CDH13: variants seen among roughly 807,000 people sequenced by gnomAD.
CDH13 encodes cadherin 13, also known as cadherin-13.
A neutral mutation model predicts 63.8 loss-of-function variants in CDH13; 24 were observed. That is an observed-to-expected ratio of 0.38 (90% CI 0.27 to 0.53). The LOEUF (loss-of-function observed/expected upper bound fraction) is 0.53, where lower values mean the gene tolerates loss of function less well. Ranked by LOEUF, CDH13 falls within the 20% of genes least tolerant of loss-of-function variation. The pLI is 0.85. For synonymous variants in CDH13, 503 were observed against 355.3 expected (o/e 1.42, Z -4.67); for missense variants, 1,049 against 903.1 (o/e 1.16, Z -2.07).
chr16:83,734,608 G>A (rs1911356352), intron 10 of CDH13, among the ~76,000 whole-genome samples: 1 of 151,752 alleles, frequency 6.6e-6, no homozygotes, highest in Admixed American at 6.6e-5. Context: ...GGGAGGGATA[G>A]CATTAGGAGA....
chr16:83,290,002 A>C (rs1014842696), intron 5 of CDH13, among the ~76,000 whole-genome samples: 7 of 152,114 alleles, frequency 4.6e-5, no homozygotes, highest in Non-Finnish European at 1.0e-4. Flanking sequence ...CCCAGAGGGA[A>C]CCACTCTTCT....
At chr16:82,642,771 G>A (rs751361170) in intron 1 of CDH13, among the ~76,000 whole-genome samples, 20 of 152,208 alleles carry the variant, frequency 1.3e-4, no homozygotes, top group Non-Finnish European at 2.6e-4. Context: ...CAGGCCTGGT[G>A]TGAGTGCTTC....
intron 1 of CDH13, among the ~76,000 whole-genome samples, chr16:82,810,134 G>T (rs941582096): frequency 6.6e-6 from 1 of 152,182 alleles, no homozygotes; most frequent in Non-Finnish European, 1.5e-5. Context: ...TCTGCTTCAA[G>T]GTAAGGACAT....
chr16:82,962,562 C>A lies in CDH13; in HGVS notation c.158-69448C>A, dbSNP rs528111425. On this transcript the variant is annotated intron_variant, in intron 2 of 13. Coordinates refer to ENST00000567109, the MANE Select transcript of CDH13 (RefSeq NM_001257.5). ...ATGAGAAGGGATAGGATGCATGCAACTCATAAGGCTGAAGACAGACGGGAG... is the reference window on the plus strand; with the variant it reads ...ATGAGAAGGGATAGGATGCATGCAAATCATAAGGCTGAAGACAGACGGGAG... Among the ~76,000 whole-genome samples, 40 of 152,224 alleles carry A rather than the reference C, an allele frequency of 2.6e-4. No homozygotes were observed. In the South Asian group the frequency reaches 4.6e-3, roughly 17 times the overall value.
intron 4 of CDH13, among the ~76,000 whole-genome samples, chr16:83,136,061 A>G (rs913615333): frequency 6.6e-6 from 1 of 152,110 alleles, no homozygotes; most frequent in Admixed American, 6.6e-5. Context: ...GACTGTAAAC[A>G]GGATGCCGTG....
intron 2 of CDH13, among the ~76,000 whole-genome samples, chr16:82,878,769 T>C (rs17674039): frequency 0.11 from 17,334 of 151,874 alleles, 1,065 homozygotes; most frequent in African/African-American, 0.12. Flanking sequence ...TGCCATCTTT[T>C]CCATTTCAAA....
rs1910467904 is a variant in CDH13 at position 83,627,992 on chromosome 16, T to G, written c.1101+25398T>G. 2.6e-5 allele frequency among the ~76,000 whole-genome samples: 4 copies of G among 152,198 alleles called. No homozygotes were observed. In the South Asian group the frequency reaches 8.3e-4, roughly 32 times the overall value. On this transcript the variant is annotated intron_variant, in intron 8 of 13. Coordinates refer to ENST00000567109, the MANE Select transcript of CDH13 (RefSeq NM_001257.5). ...AACTTCCTGACGTTACCATGGCATT[T>G]GTAAACTGTCATAGCGCTGGTGGGA...
chr16:82,916,487 T>C (rs1374815527), intron 2 of CDH13, among the ~76,000 whole-genome samples: 2 of 151,846 alleles, frequency 1.3e-5, no homozygotes, highest in Admixed American at 1.3e-4. Flanking sequence ...GGCAGGAGAA[T>C]CGTTTGAATC....
chr16:82,634,872 A>C (rs77065143), intron 1 of CDH13, among the ~76,000 whole-genome samples: 1 of 152,218 alleles, frequency 6.6e-6, no homozygotes. Flanking sequence ...AATGGTTCCA[A>C]TAAATATCTA....
At chr16:83,435,088 T>G (rs1393199770) in intron 6 of CDH13, among the ~76,000 whole-genome samples, 1 of 151,544 alleles carries the variant, frequency 6.6e-6, no homozygotes, top group Non-Finnish European at 1.5e-5. Context: ...TGTTTTTCTC[T>G]CAGGCTGAAG....
At chr16:83,225,159 A>T (rs894663942) in intron 5 of CDH13, among the ~76,000 whole-genome samples, 1 of 152,170 alleles carries the variant, frequency 6.6e-6, no homozygotes, top group Admixed American at 6.5e-5. Context: ...CCTGACGCTC[A>T]CTGTAGTTGG....
At chr16:82,836,874 G>T (rs1036324775) in intron 1 of CDH13, among the ~76,000 whole-genome samples, 1 of 152,194 alleles carries the variant, frequency 6.6e-6, no homozygotes, top group African/African-American at 2.4e-5. Flanking sequence ...TTAGGACAGA[G>T]TTATTCAGTC....
chr16:83,513,578 CCTT>C (rs1193095675), intron 7 of CDH13, among the ~76,000 whole-genome samples: 6 of 152,142 alleles, frequency 3.9e-5, no homozygotes, highest in Admixed American at 3.9e-4. Flanking sequence ...AGTCAACCGT[CCTT>C]CTTCACAGGG....
chr16:83,608,506 T>C (rs1034933429), intron 8 of CDH13, among the ~76,000 whole-genome samples: 8 of 151,966 alleles, frequency 5.3e-5, no homozygotes, highest in Admixed American at 1.3e-4. Flanking sequence ...TTGAGACAGG[T>C]TCTCATTCTG....
intron 1 of CDH13, among the ~76,000 whole-genome samples, chr16:82,798,608 A>T (rs1250859343): frequency 6.6e-6 from 1 of 152,108 alleles, no homozygotes; most frequent in Non-Finnish European, 1.5e-5. Context: ...CTGTTTTTGG[A>T]AGACACTTCC....
chr16:83,141,513 G>A (rs546177262), intron 4 of CDH13, among the ~76,000 whole-genome samples: 8 of 152,160 alleles, frequency 5.3e-5, no homozygotes, highest in African/African-American at 1.9e-4. Context: ...TTGTTTGTTT[G>A]TTTTTACTTT....
chr16:82,881,988 C>T (rs1168019534), intron 2 of CDH13, among the ~76,000 whole-genome samples: 1 of 152,130 alleles, frequency 6.6e-6, no homozygotes, highest in Non-Finnish European at 1.5e-5. Flanking sequence ...TCAAGTTCCC[C>T]ATTATTAACT....
At chr16:82,706,531 T>A (rs1036557039) in intron 1 of CDH13, among the ~76,000 whole-genome samples, 14 of 152,016 alleles carry the variant, frequency 9.2e-5, no homozygotes, top group Non-Finnish European at 1.3e-4. Flanking sequence ...TACAGTTCTC[T>A]GTAATGTTCA....
chr16:83,416,894 G>A (rs2071565626), intron 6 of CDH13, among the ~76,000 whole-genome samples: 1 of 152,062 alleles, frequency 6.6e-6, no homozygotes, highest in African/African-American at 2.4e-5. Context: ...TTATTGAAAT[G>A]GTTATGCTAA....
Sources: allele counts gnomAD v4.1 joint callset (sites outside exome capture counted in the v4.1 genomes callset), GRCh38; gene constraint gnomAD v4.1.1; transcripts MANE v1.5; gene names NCBI Gene and HGNC (gene_info 2026-07-23, HGNC 2026-07-21).